Variants in OCA2 observed in about 807,000 individuals in gnomAD.
OCA2 encodes the protein P protein.
OCA2 carries 77 observed loss-of-function variants against 100.2 expected under a neutral mutation model. The ratio of observed to expected loss-of-function variants is 0.77; its 90% CI spans 0.64 to 0.93. OCA2 has a LOEUF of 0.93. Among genes scored for constraint, OCA2 ranks in the 40% least tolerant of loss-of-function variants. OCA2 has a pLI of 0.00. For synonymous variants in OCA2, 432 were observed against 439.2 expected (o/e 0.98, Z 0.21); for missense variants, 1,062 against 1,089.1 (o/e 0.98, Z 0.35).
chr15:28,091,287 T>C (rs1011937464), intron 1 of OCA2, among the ~76,000 whole-genome samples: 10 of 151,978 alleles, frequency 6.6e-5, no homozygotes, highest in African/African-American at 1.9e-4. Flanking sequence ...TTCCAGAAAA[T>C]AGAAAATGAG....
chr15:27,722,328 A>G, the OCA2 span, among the ~76,000 whole-genome samples: 1 of 152,336 alleles, frequency 6.6e-6, no homozygotes, highest in African/African-American at 2.4e-5. Context: ...TGAACTGCTC[A>G]GTCAGAGATC....
At chr15:27,806,416 G>T (rs2033850231) in intron 23 of OCA2, among the ~76,000 whole-genome samples, 1 of 152,242 alleles carries the variant, frequency 6.6e-6, no homozygotes. Context: ...ACTGTGAGAT[G>T]CGTGGGCGAG....
intron 19 of OCA2, among the ~76,000 whole-genome samples, chr15:27,905,153 G>A (rs1196011671): frequency 9.0e-6 from 1 of 111,672 alleles, no homozygotes; most frequent in Non-Finnish European, 1.7e-5. Flanking sequence ...AACAGAATGA[G>A]ACTCCACCTC....
intron 15 of OCA2, among the ~76,000 whole-genome samples, chr15:27,959,611 G>A (rs1316676210): frequency 7.9e-5 from 12 of 152,170 alleles, no homozygotes; most frequent in Non-Finnish European, 1.5e-5. Context: ...ACACCTCTGC[G>A]TGGTTCATCT....
chr15:27,802,722 C>A (rs1299576586), intron 23 of OCA2, among the ~76,000 whole-genome samples: 1 of 152,124 alleles, frequency 6.6e-6, no homozygotes, highest in Non-Finnish European at 1.5e-5. Flanking sequence ...CCCTCCCACA[C>A]CCAAAATAAA....
intron 1 of OCA2, among the ~76,000 whole-genome samples, chr15:28,084,071 G>A (rs2044730128): frequency 6.6e-6 from 1 of 152,192 alleles, no homozygotes; most frequent in African/African-American, 2.4e-5. Flanking sequence ...AGGCCCTGAG[G>A]GTAGAGCTCT....
chr15:27,810,703 T>C (rs946112463), intron 23 of OCA2, among the ~76,000 whole-genome samples: 23 of 152,080 alleles, frequency 1.5e-4, no homozygotes, highest in African/African-American at 5.3e-4. Context: ...CATCAGAAAG[T>C]GGGCAAAGGA....
chr15:28,096,887 G>A (rs976133015), intron 1 of OCA2, among the ~76,000 whole-genome samples: 1 of 151,802 alleles, frequency 6.6e-6, no homozygotes, highest in African/African-American at 2.4e-5. Context: ...CACCTCTCGG[G>A]GAGAAACGAG....
chr15:27,932,884 AC>A (rs34563767), intron 18 of OCA2, among the ~76,000 whole-genome samples: 2 of 152,148 alleles, frequency 1.3e-5, no homozygotes, highest in South Asian at 4.1e-4. Context: ...AATAATAATA[AC>A]CCCGGGGAAG....
intron 18 of OCA2, among the ~76,000 whole-genome samples, chr15:27,939,946 G>T (rs902482267): frequency 6.6e-6 from 1 of 152,206 alleles, no homozygotes; most frequent in Non-Finnish European, 1.5e-5. Flanking sequence ...CCAGGTCACT[G>T]ACTGCACAAC....
At chr15:27,727,694 C>T in the OCA2 span, among the ~76,000 whole-genome samples, 1 of 152,184 alleles carries the variant, frequency 6.6e-6, no homozygotes, top group Non-Finnish European at 1.5e-5. Flanking sequence ...GAAATGAATT[C>T]ATCTGCAGAC....
intron 2 of OCA2, among the ~76,000 whole-genome samples, chr15:28,039,660 T>C (rs1014861742): frequency 6.6e-6 from 1 of 152,166 alleles, no homozygotes; most frequent in African/African-American, 2.4e-5. Flanking sequence ...TGTTTGGAGA[T>C]GAGGTCTTTC....
At chr15:27,878,124 G>A (rs1347401231) in intron 19 of OCA2, among the ~76,000 whole-genome samples, 21 of 151,504 alleles carry the variant, frequency 1.4e-4, no homozygotes, top group Admixed American at 1.4e-3. Context: ...AAATGATATA[G>A]GTCACTTTAC....
chr15:28,072,321 G>A (rs957230492), intron 2 of OCA2, among the ~76,000 whole-genome samples: 3 of 152,092 alleles, frequency 2.0e-5, no homozygotes, highest in African/African-American at 7.2e-5. Context: ...CGGGTGCGGT[G>A]GCTCACGCCT....
rs1567099058 is a variant in OCA2, at chr15:27,913,919, GC to G, written c.2079+12207del. On this transcript the variant is annotated intron_variant, in intron 19 of 23. Coordinates refer to ENST00000354638, the MANE Select transcript of OCA2 (RefSeq NM_000275.3). ...AGCAAGCAAGCAAGCAAGCAAGCAA[GC>G]AAGCAAGCAAGAAAGAAAGAAAAAA... is the stretch of plus-strand genomic sequence containing the variant. Among the ~76,000 whole-genome samples the G allele has an allele frequency of 1.1e-3, 59 of 54,744 alleles. 7 individuals carry two copies. The highest frequency in any genetic ancestry group is 5.1e-3 in the African/African-American group (57 of 11,126). 35.9% of individuals were successfully genotyped at this position (54,744 alleles called of 152,430 possible). A position where few individuals can be genotyped will look rare whatever the true frequency, so the allele number is the denominator to read the frequency against.
the OCA2 span, among the ~76,000 whole-genome samples, chr15:27,748,458 G>A: frequency 5.9e-5 from 9 of 152,150 alleles, no homozygotes; most frequent in Non-Finnish European, 8.8e-5. Flanking sequence ...AAAGCAAGCA[G>A]ACCAAAATAG....
At chr15:27,770,359 G>T (rs888564124) in intron 23 of OCA2, among the ~76,000 whole-genome samples, 1 of 152,180 alleles carries the variant, frequency 6.6e-6, no homozygotes, top group African/African-American at 2.4e-5. Flanking sequence ...CTTTCAGTGC[G>T]CCCGGTTTCT....
rs1185315681 is a variant in OCA2, at chr15:27,990,591, C to G, written c.1101G>C (p.Leu367=). The G allele has an allele frequency of 6.2e-6, 10 of 1,613,988 alleles. No individual in the cohort carries two copies. The highest frequency in any genetic ancestry group is 8.5e-6 in the Non-Finnish European group (10 of 1,179,980). The change falls in exon 10 of 24, where the codon CTG becomes CTC. Residue 367 remains leucine (L), a synonymous_variant. Coordinates refer to ENST00000354638, the MANE Select transcript of OCA2 (RefSeq NM_000275.3). ...GACAACTTACATCGCCAATCACAGC[C>G]AGTGCTGCCAGTGCTGCAAGGGAAC... is the stretch of plus-strand genomic sequence containing the variant. ...MLGSLAALAA[L]AVIGDRPSLT...
chr15:28,020,837 C>G (rs2042571031), intron 6 of OCA2, among the ~76,000 whole-genome samples: 1 of 152,168 alleles, frequency 6.6e-6, no homozygotes, highest in Non-Finnish European at 1.5e-5. Flanking sequence ...GAAGCACAAA[C>G]TGTGACCAGT....
Sources: allele counts gnomAD v4.1 joint callset (sites outside exome capture counted in the v4.1 genomes callset), GRCh38; gene constraint gnomAD v4.1.1; transcripts MANE v1.5; gene names NCBI Gene and HGNC (gene_info 2026-07-23, HGNC 2026-07-21).